The following CFAP300 variants were observed in gnomAD, a reference collection of about 807,000 sequenced individuals.
CFAP300 encodes the protein cilia and flagella associated protein 300, also known as cilia- and flagella-associated protein 300.
In CFAP300, 32 loss-of-function variants were observed where a neutral mutation model predicts 33.0. The observed-to-expected ratio is 0.97, with a 90% CI of 0.73 to 1.30. The LOEUF is 1.30. Among genes scored for constraint, CFAP300 ranks in the 50% most tolerant of loss-of-function variants. The pLI is 0.00. For missense variants in CFAP300, 356 were observed against 318.1 expected, an observed-to-expected ratio of 1.12 and a Z score of -0.90; for synonymous variants, 102 against 106.8, an observed-to-expected ratio of 0.95 and a Z score of 0.28.
chr11:102,077,456 G>A (rs755384254), intron 5 of CFAP300, among the ~76,000 whole-genome samples: 12 of 152,196 alleles, frequency 7.9e-5, no homozygotes, highest in African/African-American at 1.4e-4. Context: ...ACACTACAGC[G>A]TGTGATTTTA....
At position 102,083,943 on chromosome 11, in the gene CFAP300, G is replaced by A. The variant is rs1173751035; in HGVS notation, c.*744G>A. On this transcript the variant is annotated 3_prime_UTR_variant, in exon 7 of 7. Coordinates refer to ENST00000434758, the MANE Select transcript of CFAP300 (RefSeq NM_032930.3). The stretch of plus-strand genomic sequence containing the variant: ...AGGCAAGAGAATCACTTGAACCCGG[G>A]AAGTGAGGTTGCAGTGAGCCGAGGC... The A allele has an allele frequency of 6.6e-6, 1 of 152,188 alleles. No homozygotes were observed. Among genetic ancestry groups the A allele is most frequent in the Non-Finnish European group, 1.5e-5 (1 of 68,084 alleles). 9.4% of individuals were successfully genotyped at this position (152,188 alleles called of 1,614,324 possible).
At chr11:102,079,623 CT>C (rs1263392502) in intron 5 of CFAP300, among the ~76,000 whole-genome samples, 2 of 152,192 alleles carry the variant, frequency 1.3e-5, no homozygotes, top group Non-Finnish European at 2.9e-5. Context: ...CCTCTTCTTT[CT>C]TCTCTCCCTC....
chr11:102,061,436 C>G lies in CFAP300; in HGVS notation c.268+2481C>G, dbSNP rs138983961. Among the ~76,000 whole-genome samples, 4 of 152,294 alleles carry G rather than the reference C, an allele frequency of 2.6e-5. No individual in the cohort carries two copies. The East Asian group carries it at 7.7e-4, about 29-fold the overall frequency. On this transcript the variant is annotated intron_variant, in intron 3 of 6. Transcript: ENST00000434758. ...GAAAGTGATGATGGAACCTCCTTCA[C>G]TGTGCTGCACTCCCTGGAGATTGCC...
chr11:102,054,632 G>A (rs994572535), intron 2 of CFAP300, among the ~76,000 whole-genome samples: 3 of 151,304 alleles, frequency 2.0e-5, no homozygotes, highest in African/African-American at 7.3e-5. Flanking sequence ...GGGAGACTGA[G>A]GCAGGAGAAT....
At chr11:102,049,461 T>C (rs1330402845) in intron 2 of CFAP300, among the ~76,000 whole-genome samples, 1 of 152,188 alleles carries the variant, frequency 6.6e-6, no homozygotes, top group Non-Finnish European at 1.5e-5. Context: ...TCAGGAAGGA[T>C]GTAAATTTTG....
At chr11:102,052,078 T>C (rs1037371704) in intron 2 of CFAP300, among the ~76,000 whole-genome samples, 3 of 152,226 alleles carry the variant, frequency 2.0e-5, no homozygotes, top group Admixed American at 6.5e-5. Context: ...AAAAATTCAC[T>C]TATTAGACAT....
intron 4 of CFAP300, 145 bp from the exon 5 acceptor site, chr11:102,075,728 G>C (rs1282121869): frequency 1.8e-6 from 1 of 550,708 alleles, no homozygotes; most frequent in African/African-American, 1.9e-5. Context: ...AATAAATGCA[G>C]ATTACAGGTT....
chr11:102,052,607 G>C (rs1364260734), intron 2 of CFAP300, among the ~76,000 whole-genome samples: 1 of 152,200 alleles, frequency 6.6e-6, no homozygotes, highest in South Asian at 2.1e-4. Flanking sequence ...GTAGACATTT[G>C]TAAATAATCC....
intron 3 of CFAP300, among the ~76,000 whole-genome samples, chr11:102,059,682 TG>T (rs1162199021): frequency 2.0e-5 from 3 of 152,024 alleles, no homozygotes; most frequent in Non-Finnish European, 4.4e-5. Flanking sequence ...TGGGCAAGAA[TG>T]GTCAGTTCTG....
intron 4 of CFAP300, among the ~76,000 whole-genome samples, chr11:102,070,903 A>G (rs546468098): frequency 1.1e-4 from 17 of 152,298 alleles, no homozygotes; most frequent in South Asian, 8.3e-4. Flanking sequence ...TTGCAGTATG[A>G]GAAGATACTT....
chr11:102,064,276 C>A (rs1187768077), intron 3 of CFAP300, among the ~76,000 whole-genome samples: 6 of 152,180 alleles, frequency 3.9e-5, no homozygotes, highest in Non-Finnish European at 7.3e-5. Context: ...ATGGCATGCC[C>A]GATGTCAGTC....
chr11:102,067,514 C>T (rs1942247160), intron 4 of CFAP300, among the ~76,000 whole-genome samples: 1 of 152,212 alleles, frequency 6.6e-6, no homozygotes. Context: ...AGATTATTTA[C>T]CTGATTCCTG....
chr11:102,072,571 G>A (rs567127761), intron 4 of CFAP300, among the ~76,000 whole-genome samples: 1 of 151,900 alleles, frequency 6.6e-6, no homozygotes, highest in Non-Finnish European at 1.5e-5. Flanking sequence ...CCAAAGTTTT[G>A]GGATTACAGG....
chr11:102,061,033 G>C (rs1357228996), intron 3 of CFAP300, among the ~76,000 whole-genome samples: 2 of 152,068 alleles, frequency 1.3e-5, no homozygotes, highest in African/African-American at 2.4e-5. Flanking sequence ...AAAAAATAAG[G>C]CTCACTGAAA....
In CFAP300 at chr11:102,064,433, A is replaced by G. The variant is rs115189902; in HGVS notation, c.269-2052A>G. 9.4e-3 allele frequency among the ~76,000 whole-genome samples: 1,428 copies of G among 152,140 alleles called. 26 individuals are homozygous for G. The highest frequency in any genetic ancestry group is 0.032 in the African/African-American group (1,335 of 41,482). On this transcript the variant is annotated intron_variant, in intron 3 of 6. Coordinates refer to ENST00000434758, the MANE Select transcript of CFAP300 (RefSeq NM_032930.3). Reference sequence around the variant, plus strand: ...TTTATCTAATCCCTCAGAGGATCTTACCTCTAAACAAAGGAAGCTTCTTAG... The same window carrying G: ...TTTATCTAATCCCTCAGAGGATCTTGCCTCTAAACAAAGGAAGCTTCTTAG...
chr11:102,077,604 G>C (rs901322061), intron 5 of CFAP300, among the ~76,000 whole-genome samples: 1 of 151,956 alleles, frequency 6.6e-6, no homozygotes, highest in Admixed American at 6.6e-5. Flanking sequence ...GAGTCTCACC[G>C]TGTCACCCAG....
At chr11:102,057,447 GTT>G (rs11354639) in intron 2 of CFAP300, among the ~76,000 whole-genome samples, 3 of 149,704 alleles carry the variant, frequency 2.0e-5, no homozygotes, top group East Asian at 1.9e-4. Flanking sequence ...CTTACAGTTA[GTT>G]TTTTTTTTTA....
At position 102,084,501 on chromosome 11, in the gene CFAP300, A is replaced by G. The variant is rs1422442253; in HGVS notation, c.*1302A>G. The G allele has an allele frequency of 6.6e-6, 1 of 152,242 alleles. No individual in the cohort carries two copies. The highest frequency in any genetic ancestry group is 1.5e-5 in the Non-Finnish European group (1 of 68,040). 9.4% of individuals were successfully genotyped at this position (152,242 alleles called of 1,614,324 possible). The stretch of plus-strand genomic sequence containing the variant: ...TATTGAATGAATAACTACTTTCTAG[A>G]TATCCTCATAATACCCATAGATTTT... On this transcript the variant is annotated 3_prime_UTR_variant, in exon 7 of 7. Coordinates refer to ENST00000434758, the MANE Select transcript of CFAP300 (RefSeq NM_032930.3).
intron 2 of CFAP300, among the ~76,000 whole-genome samples, chr11:102,054,957 A>G (rs1417673646): frequency 6.6e-6 from 1 of 150,960 alleles, no homozygotes; most frequent in Non-Finnish European, 1.5e-5. Context: ...TGTAACCACC[A>G]CTTCTGAAGC....
Sources: gnomAD v4.1 joint callset for allele counts (sites outside exome capture counted in the v4.1 genomes callset) on GRCh38, gnomAD v4.1.1 for gene constraint, MANE v1.5 for transcripts, NCBI Gene and HGNC (gene_info 2026-07-23, HGNC 2026-07-21) for gene names.